NAE1: variants seen among roughly 807,000 people sequenced by gnomAD.
The protein encoded by NAE1 is NEDD8-activating enzyme E1 regulatory subunit.
Under a neutral mutation model 88.0 loss-of-function variants are expected in NAE1, and 59 were observed. The observed-to-expected ratio is 0.67, with a 90% CI of 0.54 to 0.83. The LOEUF is 0.83. NAE1 is among the 40% of genes least tolerant of loss of function. The probability of loss-of-function intolerance (pLI) is 0.00; values close to 1 mark genes in which losing one functional copy is unlikely to be tolerated. For missense variants in NAE1, 554 were observed against 632.8 expected, an observed-to-expected ratio of 0.88 and a Z score of 1.34; for synonymous variants, 186 against 208.9, an observed-to-expected ratio of 0.89 and a Z score of 0.95.
At position 66,826,509 on chromosome 16, in the gene NAE1, A is replaced by G. The variant is rs1481906499; in HGVS notation, c.218+14T>C. On this transcript the variant is annotated intron_variant, in intron 3 of 19. Transcript: ENST00000290810. ...TTCCTTAACGTGAATATATTTGAAG[A>G]GAATAGAACATACTTGTTTCCAGCA... The G allele has an allele frequency of 7.4e-6, 12 of 1,613,440 alleles. No individual in the cohort carries two copies. Among genetic ancestry groups the G allele is most frequent in the Non-Finnish European group, 1.0e-5 (12 of 1,179,730 alleles).
rs894106612 is a variant in NAE1, at chr16:66,808,545, G to T, written c.1306C>A (p.His436Asn). ...CCTGGATATCTACCCTGTTGTTTAT[G>T]AAATCTATCAACAGCCCGTAACATT... The part of the protein sequence containing the change: ...YLMLRAVDRF[H>N]KQQGRYPGVS... The change falls in exon 17 of 20, where the codon CAT (histidine) becomes AAT (asparagine). Residue 436 changes from histidine to asparagine, a missense_variant. Transcript: ENST00000290810. 12 of 1,598,072 alleles carry T rather than the reference G, an allele frequency of 7.5e-6. No homozygotes were observed. The South Asian group carries it at 1.0e-4, about 13-fold the overall frequency.
intron 1 of NAE1, chr16:66,828,080 A>AG: frequency 6.2e-7 from 1 of 1,609,254 alleles, no homozygotes; most frequent in Non-Finnish European, 8.5e-7. Context: ...GGAATCGCCT[A>AG]GAAGAACCAG....
At position 66,808,551 on chromosome 16, in the gene NAE1, T is replaced by C; in HGVS notation, c.1300A>G (p.Arg434Gly). The C allele has an allele frequency of 6.2e-7, 1 of 1,604,324 alleles. No individual in the cohort carries two copies. Among genetic ancestry groups the C allele is most frequent in the Non-Finnish European group, 8.5e-7 (1 of 1,173,274 alleles). ...TATCTACCCTGTTGTTTATGAAATC[T>C]ATCAACAGCCCGTAACATTAAGTAC... ...VLYLMLRAVD[R>G]FHKQQGRYPG... Residue 434 changes from arginine (R) to glycine (G), a missense_variant, in exon 17 of 20, where the codon AGA becomes GGA. By Grantham distance (125) the Arg-to-Gly change is moderately radical. Coordinates refer to ENST00000290810, the MANE Select transcript of NAE1 (RefSeq NM_003905.4).
intron 13 of NAE1, among the ~76,000 whole-genome samples, chr16:66,811,338 T>C (rs1490996505): frequency 6.6e-6 from 1 of 152,100 alleles, no homozygotes; most frequent in Non-Finnish European, 1.5e-5. Flanking sequence ...TTGTCTTTTT[T>C]GTAGAGACGG....
intron 19 of NAE1, 112 bp downstream of exon 19, chr16:66,805,660 TATAAC>T: frequency 1.3e-6 from 1 of 799,544 alleles, no homozygotes; most frequent in South Asian, 5.4e-5. Context: ...AAGAAAGAAA[TATAAC>T]ATCCTGCTTC....
intron 11 of NAE1, among the ~76,000 whole-genome samples, chr16:66,815,740 CA>C (rs1960014972): frequency 6.6e-6 from 1 of 151,292 alleles, no homozygotes; most frequent in East Asian, 2.0e-4. Flanking sequence ...CAGCTCACTG[CA>C]ATCTCCACCT....
rs753886045 is a variant in NAE1, at chr16:66,809,055, G to A, written c.1171C>T (p.Arg391Ter). ...GCTAAGGATCGACATCTTACCACTCGAAGAAATGCAGAATTGCTGCCTGAA... is the reference window on the plus strand; with the variant it reads ...GCTAAGGATCGACATCTTACCACTCAAAGAAATGCAGAATTGCTGCCTGAA... ...KLLCSNSAFL[R>*]VVRCRSLAEE... Residue 391 changes from arginine to a stop codon, truncating the protein, a stop_gained, in exon 16 of 20, where the codon CGA becomes TGA. Transcript: ENST00000290810. LOFTEE classifies it high-confidence loss of function. The A allele has an allele frequency of 5.0e-6, 8 of 1,611,760 alleles. No homozygotes were observed. Among genetic ancestry groups the A allele is most frequent in the African/African-American group, 2.7e-5 (2 of 74,966 alleles).
chr16:66,823,371 G>C, intron 5 of NAE1, 65 bp from the exon 6 acceptor site: 1 of 1,391,386 alleles, frequency 7.2e-7, no homozygotes, highest in Non-Finnish European at 1.0e-6. Flanking sequence ...ATTAAACATG[G>C]CAGAGACAGT....
intron 3 of NAE1, among the ~76,000 whole-genome samples, chr16:66,825,395 C>T (rs1043751566): frequency 1.3e-5 from 2 of 149,494 alleles, no homozygotes; most frequent in Middle Eastern, 3.5e-3. Flanking sequence ...TGCAGTGAGC[C>T]GAGATTGCAC....
chr16:66,805,325 G>C (rs143298592), intron 19 of NAE1, among the ~76,000 whole-genome samples: 2 of 152,234 alleles, frequency 1.3e-5, no homozygotes, highest in African/African-American at 2.4e-5. Flanking sequence ...TTAGTAAAAG[G>C]ACACAATCAG....
chr16:66,824,948 T>C (rs1459593469), intron 3 of NAE1, 63 bp from the exon 4 acceptor site: 16 of 1,382,744 alleles, frequency 1.2e-5, no homozygotes, highest in African/African-American at 1.4e-5. Flanking sequence ...AAAAGTTGTT[T>C]GTAATAGCAT....
intron 1 of NAE1, among the ~76,000 whole-genome samples, chr16:66,830,541 C>A (rs1229079366): frequency 6.6e-6 from 1 of 152,210 alleles, no homozygotes; most frequent in Non-Finnish European, 1.5e-5. Flanking sequence ...CCCCGGGCCT[C>A]CCCATTCGGA....
chr16:66,817,125 T>C (rs1960075037), intron 9 of NAE1, 97 bp from the exon 10 acceptor site: 1 of 1,410,718 alleles, frequency 7.1e-7, no homozygotes, highest in Non-Finnish European at 9.4e-7. Flanking sequence ...TAAGATTTCA[T>C]CAACAAATAT....
Position 66,813,609 on chromosome 16 carries a change from G to A in NAE1, c.989C>T (p.Pro330Leu), listed in dbSNP as rs1455779868. The A allele has an allele frequency of 1.2e-6, 2 of 1,613,910 alleles. No homozygotes were observed. The highest frequency in any genetic ancestry group is 1.3e-5 in the African/African-American group (1 of 75,042). The change falls in exon 13 of 20, where the codon CCT (proline) becomes CTT (leucine). Residue 330 changes from proline to leucine, a missense_variant. Transcript: ENST00000290810. The stretch of plus-strand genomic sequence containing the variant: ...TTTGCCTGAATCTGCAATCATATCA[G>A]GAATTGTGCCTCGAACAGGTAAATT... ...QGNLPVRGTI[P>L]DMIADSGKYI...
At chr16:66,826,646 T>C in intron 2 of NAE1, 31 bp downstream of exon 2, 2 of 1,613,612 alleles carry the variant, frequency 1.2e-6, no homozygotes, top group Non-Finnish European at 8.5e-7. Flanking sequence ...TAAAGAAGTA[T>C]ATTTAGAACA....
chr16:66,810,021 T>C (rs1959724935), intron 15 of NAE1, among the ~76,000 whole-genome samples: 1 of 152,170 alleles, frequency 6.6e-6, no homozygotes, highest in South Asian at 2.1e-4. Flanking sequence ...ATATTGTCAA[T>C]GTACATGTGA....
In NAE1 at chr16:66,803,096, G is replaced by T; in HGVS notation, c.1518C>A (p.Ile506=). The stretch of plus-strand genomic sequence containing the variant: ...TTACAAATTGTTTGGTGATTATTTT[G>T]ATGACCTCTTGAGCAGCAGCTCCTG... ...FLGGAAAQEV[I]KIITKQFVIF... The change falls in exon 20 of 20, where the codon ATC becomes ATA. Residue 506 remains isoleucine (I), a synonymous_variant. Coordinates refer to ENST00000290810, the MANE Select transcript of NAE1 (RefSeq NM_003905.4). 6.2e-7 allele frequency: 1 copy of T among 1,609,854 alleles called. No individual in the cohort carries two copies. The highest frequency in any genetic ancestry group is 1.1e-5 in the South Asian group (1 of 90,952).
chr16:66,828,596 C>T (rs1960561772), intron 1 of NAE1, among the ~76,000 whole-genome samples: 1 of 151,254 alleles, frequency 6.6e-6, no homozygotes, highest in South Asian at 2.1e-4. Context: ...ATCACTCCAG[C>T]CCAGGAGATC....
intron 1 of NAE1, among the ~76,000 whole-genome samples, chr16:66,829,351 C>G (rs1960599787): frequency 6.6e-6 from 1 of 152,188 alleles, no homozygotes; most frequent in Admixed American, 6.5e-5. Flanking sequence ...GACTGTTACC[C>G]TGTTTCTTCT....
Sources: allele counts gnomAD v4.1 joint callset (sites outside exome capture counted in the v4.1 genomes callset), GRCh38; gene constraint gnomAD v4.1.1; transcripts MANE v1.5; gene names NCBI Gene and HGNC (gene_info 2026-07-23, HGNC 2026-07-21).